The following GNE variants were observed in gnomAD, a reference collection of about 807,000 sequenced individuals.
GNE encodes glucosamine (UDP-N-acetyl)-2-epimerase/N-acetylmannosamine kinase.
GNE carries 41 observed loss-of-function variants against 61.8 expected under a neutral mutation model. The observed-to-expected ratio is 0.66, with a 90% CI of 0.52 to 0.86. GNE has a LOEUF of 0.86. Ranked by LOEUF, GNE falls within the 40% of genes least tolerant of loss-of-function variation. The pLI, the probability that GNE is intolerant of heterozygous loss-of-function variation, is 0.00. For synonymous variants in GNE, 264 were observed against 326.4 expected (o/e 0.81, Z 2.06); for missense variants, 608 against 909.1 (o/e 0.67, Z 4.26).
chr9:36,268,881 G>A (rs994932606), intron 1 of GNE, among the ~76,000 whole-genome samples: 1 of 152,048 alleles, frequency 6.6e-6, no homozygotes, highest in Non-Finnish European at 1.5e-5. Context: ...TATTATCCCA[G>A]CACTTTGGGA....
intron 3 of GNE, among the ~76,000 whole-genome samples, chr9:36,245,630 C>T (rs141172136): frequency 3.0e-4 from 46 of 152,136 alleles, no homozygotes; most frequent in African/African-American, 1.1e-3. Flanking sequence ...GCCAAGATCA[C>T]ACCACTGCAC....
Position 36,216,393 on chromosome 9 carries a change from TGGCATGATCTC to T in GNE, c.*961_*971del, listed in dbSNP as rs1268712821. 8.6e-6 allele frequency: 3 copies of T among 346,894 alleles called. No homozygotes were observed. Among genetic ancestry groups the T allele is most frequent in the Non-Finnish European group, 1.9e-5 (3 of 161,892 alleles). The allele number at this position is 346,894 out of a possible 1,614,324, so 21.5% of individuals were successfully genotyped here. Reference sequence around the variant, plus strand: ...CTCTGTCACCCAGGGTGGAGTGCAGTGGCATGATCTCGGCTCACTGCAACCTCCGCCTCCCG... The same window carrying T: ...CTCTGTCACCCAGGGTGGAGTGCAGTGGCTCACTGCAACCTCCGCCTCCCG... On this transcript the variant is annotated 3_prime_UTR_variant, in exon 12 of 12. Transcript: ENST00000642385.
chr9:36,234,181 A>T, intron 4 of GNE, 49 bp from the exon 5 acceptor site: 1 of 1,443,724 alleles, frequency 6.9e-7, no homozygotes, highest in Non-Finnish European at 9.8e-7. Flanking sequence ...GAGATAAAGA[A>T]ACCATTTTCA....
upstream of GNE, among the ~76,000 whole-genome samples, chr9:36,260,195 C>T (rs1007308711): frequency 2.0e-5 from 3 of 150,910 alleles, no homozygotes; most frequent in African/African-American, 7.3e-5. Context: ...GTGGGAGGAT[C>T]GCTTGTGCTC....
chr9:36,252,265 A>G (rs1052493484), intron 1 of GNE, among the ~76,000 whole-genome samples: 1 of 152,140 alleles, frequency 6.6e-6, no homozygotes, highest in African/African-American at 2.4e-5. Flanking sequence ...GATTACAGGC[A>G]TGAGCCACCG....
chr9:36,227,126 A>G (rs904892113), intron 7 of GNE, 122 bp downstream of exon 7: 4 of 716,942 alleles, frequency 5.6e-6, no homozygotes, highest in African/African-American at 3.5e-5. Flanking sequence ...AGTCAATACT[A>G]TCAGCAAATG....
chr9:36,234,293 A>T (rs1200298434), intron 4 of GNE, among the ~76,000 whole-genome samples, 161 bp from the exon 5 acceptor site: 1 of 152,188 alleles, frequency 6.6e-6, no homozygotes, highest in Non-Finnish European at 1.5e-5. Context: ...TGAATGATGG[A>T]TATCTAAAAT....
intron 1 of GNE, among the ~76,000 whole-genome samples, chr9:36,265,736 C>T (rs1830754634): frequency 6.6e-6 from 1 of 152,056 alleles, no homozygotes; most frequent in Non-Finnish European, 1.5e-5. Context: ...TGAAACTGTT[C>T]TACCTGAGAT....
chr9:36,264,141 G>GT (rs931266656), intron 1 of GNE, among the ~76,000 whole-genome samples: 66 of 151,384 alleles, frequency 4.4e-4, no homozygotes, highest in Admixed American at 1.8e-3. Context: ...ATTTTATTAT[G>GT]TTTTTTTTGG....
At chr9:36,234,898 C>A (rs1462803803) in intron 4 of GNE, among the ~76,000 whole-genome samples, 1 of 152,126 alleles carries the variant, frequency 6.6e-6, no homozygotes, top group African/African-American at 2.4e-5. Context: ...GGTAAATGGA[C>A]TCAGGGTCTA....
Position 36,227,345 on chromosome 9 carries a change from T to A in GNE, c.1184A>T (p.Asn395Ile). ...KKFCFPPVKE[N>I]ISQDIDHILE... ...AATATGGTCAATATCTTGAGAGATA[T>A]TCTCCTTCACAGGAGGAAAGCAGAA... Residue 395 changes from asparagine to isoleucine, a missense_variant, in exon 7 of 12, where the codon AAT (asparagine) becomes ATT (isoleucine). Physicochemically the swap from Asn to Ile is moderately radical, Grantham distance 149 (BLOSUM62 -3). Transcript: ENST00000642385. The A allele has an allele frequency of 6.2e-7, 1 of 1,612,352 alleles. No homozygotes were observed. Among genetic ancestry groups the A allele is most frequent in the South Asian group, 1.1e-5 (1 of 91,050 alleles).
rs1828451319 is a variant in GNE, at chr9:36,218,776, A to C, written c.1817-477T>G. Among the ~76,000 whole-genome samples, 2 of 152,242 alleles carry C rather than the reference A, an allele frequency of 1.3e-5. No individual in the cohort carries two copies. The highest frequency in any genetic ancestry group is 2.1e-4 in the South Asian group (1 of 4,836). On this transcript the variant is annotated intron_variant, in intron 10 of 11. Coordinates refer to ENST00000642385, the MANE Select transcript of GNE (RefSeq NM_005476.7). This position sits in a 1 kb window ranked among gnomAD's most constrained non-coding sequence, Gnocchi z 4.1. Reference sequence around the variant, plus strand: ...CTGCCACTCCCAGCTGCATGACCCCATGCCTGTCACCTCACCTGTACACAT... The same window carrying C: ...CTGCCACTCCCAGCTGCATGACCCCCTGCCTGTCACCTCACCTGTACACAT...
chr9:36,248,026 C>CAA (rs34605685), intron 2 of GNE, among the ~76,000 whole-genome samples: 11 of 80,816 alleles, frequency 1.4e-4, no homozygotes, highest in East Asian at 3.8e-4. Flanking sequence ...AACTCCGTCT[C>CAA]AAAAAAAAAA....
chr9:36,245,371 T>G (rs1829826175), intron 3 of GNE, among the ~76,000 whole-genome samples: 1 of 151,874 alleles, frequency 6.6e-6, no homozygotes, highest in Admixed American at 6.6e-5. Context: ...AACCATTCCA[T>G]TATTACAGTT....
chr9:36,264,140 TG>T (rs1487874388), intron 1 of GNE, among the ~76,000 whole-genome samples: 19 of 152,080 alleles, frequency 1.2e-4, no homozygotes, highest in African/African-American at 3.4e-4. Context: ...TATTTTATTA[TG>T]TTTTTTTTGG....
chr9:36,225,022 A>G (rs1432181933), intron 7 of GNE, among the ~76,000 whole-genome samples: 7 of 152,270 alleles, frequency 4.6e-5, no homozygotes, highest in Admixed American at 3.9e-4. Flanking sequence ...GTGATTTACA[A>G]TAATTTTACT....
chr9:36,269,744 C>T (rs943515366), intron 1 of GNE, among the ~76,000 whole-genome samples: 1 of 149,978 alleles, frequency 6.7e-6, no homozygotes, highest in Non-Finnish European at 1.5e-5. Flanking sequence ...TCACTGCAAC[C>T]TCTGCTTCCC....
intron 6 of GNE, 46 bp from the exon 7 acceptor site, chr9:36,227,504 A>G (rs1441775971): frequency 8.6e-7 from 1 of 1,168,510 alleles, no homozygotes; most frequent in East Asian, 2.3e-5. Flanking sequence ...TCTGCCATAC[A>G]TGTTAAGTGG....
upstream of GNE, among the ~76,000 whole-genome samples, chr9:36,260,129 C>T (rs530896463): frequency 6.6e-6 from 1 of 151,632 alleles, no homozygotes; most frequent in South Asian, 2.1e-4. Context: ...CAAGAATGAC[C>T]TCCGGGCCAG....
Sources: gnomAD v4.1 joint callset for allele counts (sites outside exome capture counted in the v4.1 genomes callset) on GRCh38, gnomAD v4.1.1 for gene constraint, Gnocchi (gnomAD v3.1) non-coding constraint, MANE v1.5 for transcripts, NCBI Gene and HGNC (gene_info 2026-07-23, HGNC 2026-07-21) for gene names.